NKAIN3: variants seen among roughly 807,000 people sequenced by gnomAD.
NKAIN3 encodes sodium/potassium transporting ATPase interacting 3.
Under a neutral mutation model 30.2 loss-of-function variants are expected in NKAIN3, and 25 were observed. That is an observed-to-expected ratio of 0.83 (90% CI 0.60 to 1.16). The LOEUF (loss-of-function observed/expected upper bound fraction) is 1.16, where lower values mean the gene tolerates loss of function less well. Ranked by LOEUF, NKAIN3 falls within the 50% of genes most tolerant of loss-of-function variation. The pLI is 0.00. For synonymous variants in NKAIN3, 91 were observed against 89.6 expected (o/e 1.02, Z -0.09); for missense variants, 225 against 254.1 (o/e 0.89, Z 0.78).
intron 1 of NKAIN3, among the ~76,000 whole-genome samples, chr8:62,253,097 A>G (rs930754175): frequency 3.3e-5 from 5 of 152,226 alleles, no homozygotes; most frequent in South Asian, 2.1e-4. Context: ...TCAGGATGTT[A>G]TTATTACCCA....
intron 1 of NKAIN3, among the ~76,000 whole-genome samples, chr8:62,451,197 A>AT (rs1292125592): frequency 2.0e-5 from 3 of 152,040 alleles, no homozygotes; most frequent in Non-Finnish European, 4.4e-5. Flanking sequence ...TCAAGTGCTC[A>AT]TCATTGAATC....
At chr8:62,289,143 C>T (rs1260535225) in intron 1 of NKAIN3, among the ~76,000 whole-genome samples, 2 of 152,104 alleles carry the variant, frequency 1.3e-5, no homozygotes, top group South Asian at 4.1e-4. Context: ...TGGATATTAG[C>T]CCTTTCTCAG....
At chr8:62,333,817 C>A (rs190789558) in intron 1 of NKAIN3, among the ~76,000 whole-genome samples, 128 of 152,104 alleles carry the variant, frequency 8.4e-4, no homozygotes, top group African/African-American at 2.9e-3. Context: ...ATTTACAAGT[C>A]GCATTTTGGA....
chr8:62,952,505 TC>T (rs1199717860), intron 5 of NKAIN3, among the ~76,000 whole-genome samples: 1 of 152,168 alleles, frequency 6.6e-6, no homozygotes, highest in Non-Finnish European at 1.5e-5. Context: ...TTTTCTCTCT[TC>T]CCTTCCCTTC....
intron 3 of NKAIN3, among the ~76,000 whole-genome samples, chr8:62,696,962 A>T (rs887882804): frequency 4.6e-5 from 7 of 152,100 alleles, no homozygotes; most frequent in African/African-American, 1.7e-4. Context: ...TCCTAATAAG[A>T]CTCAAAAATA....
chr8:62,731,362 C>CT (rs1401274402), intron 3 of NKAIN3, among the ~76,000 whole-genome samples: 1 of 151,416 alleles, frequency 6.6e-6, no homozygotes, highest in Non-Finnish European at 1.5e-5. Flanking sequence ...CATTTATTTT[C>CT]TTTGATATTA....
At chr8:62,509,806 T>A (rs887776650) in intron 1 of NKAIN3, among the ~76,000 whole-genome samples, 1 of 152,160 alleles carries the variant, frequency 6.6e-6, no homozygotes, top group Admixed American at 6.6e-5. Context: ...AGACATTTCA[T>A]TAAGTCACTC....
intron 1 of NKAIN3, among the ~76,000 whole-genome samples, chr8:62,490,219 C>A (rs963822067): frequency 1.3e-5 from 2 of 151,890 alleles, no homozygotes; most frequent in East Asian, 3.9e-4. Context: ...TGTGGCCAAG[C>A]CTGATTCAAT....
intron 1 of NKAIN3, among the ~76,000 whole-genome samples, chr8:62,533,533 A>T (rs2129852185): frequency 6.6e-6 from 1 of 152,316 alleles, no homozygotes; most frequent in South Asian, 2.1e-4. Flanking sequence ...GGACCAGGAG[A>T]ATCATCCTCT....
intron 3 of NKAIN3, among the ~76,000 whole-genome samples, chr8:62,649,259 C>G (rs11988664): frequency 2.0e-3 from 312 of 152,236 alleles, no homozygotes; most frequent in African/African-American, 6.9e-3. Flanking sequence ...TGTGGGAAAC[C>G]ATGCCTTGCC....
At chr8:62,993,590 T>C (rs1804030017) in intron 5 of NKAIN3, among the ~76,000 whole-genome samples, 1 of 152,190 alleles carries the variant, frequency 6.6e-6, no homozygotes, top group South Asian at 2.1e-4. Context: ...GTCCTGTTTC[T>C]CCTTTTCAGC....
chr8:62,410,377 G>T (rs1324341695), intron 1 of NKAIN3, among the ~76,000 whole-genome samples: 2 of 152,136 alleles, frequency 1.3e-5, no homozygotes, highest in Non-Finnish European at 2.9e-5. Context: ...CACTTAGGTT[G>T]ATTCCATGTA....
intron 1 of NKAIN3, among the ~76,000 whole-genome samples, chr8:62,307,243 A>G (rs1431628650): frequency 3.4e-5 from 5 of 145,448 alleles, no homozygotes; most frequent in Non-Finnish European, 7.4e-5. Flanking sequence ...TTGTCCCCTT[A>G]TAGTTTAATT....
intron 1 of NKAIN3, among the ~76,000 whole-genome samples, chr8:62,287,629 G>A (rs532285124): frequency 7.1e-4 from 108 of 151,930 alleles, no homozygotes; most frequent in African/African-American, 2.4e-3. Context: ...ACCTCTGTTC[G>A]GTTAGAAAAC....
intron 3 of NKAIN3, among the ~76,000 whole-genome samples, chr8:62,657,765 C>T (rs1812804713): frequency 6.6e-6 from 1 of 152,152 alleles, no homozygotes; most frequent in Non-Finnish European, 1.5e-5. Flanking sequence ...AAAAAGCCTG[C>T]ACCACGAAAT....
At chr8:62,578,554 C>T (rs1810192623) in intron 1 of NKAIN3, among the ~76,000 whole-genome samples, 1 of 152,022 alleles carries the variant, frequency 6.6e-6, no homozygotes, top group Non-Finnish European at 1.5e-5. Flanking sequence ...GGTGGTTAGT[C>T]ATTATCACCA....
intron 3 of NKAIN3, among the ~76,000 whole-genome samples, chr8:62,634,082 A>T (rs184072856): frequency 4.6e-5 from 7 of 152,282 alleles, no homozygotes; most frequent in African/African-American, 1.4e-4. Flanking sequence ...TGTCTCATAG[A>T]ACATATATTT....
chr8:62,524,225 AAT>A (rs5891861), intron 1 of NKAIN3, among the ~76,000 whole-genome samples: 86 of 148,114 alleles, frequency 5.8e-4, no homozygotes, highest in Admixed American at 1.1e-3. Context: ...CCCCCACCAA[AAT>A]ATATATATAT....
At chr8:62,498,267 A>G (rs1331409974) in intron 1 of NKAIN3, among the ~76,000 whole-genome samples, 1 of 152,114 alleles carries the variant, frequency 6.6e-6, no homozygotes, top group East Asian at 1.9e-4. Flanking sequence ...TTTATTGTTT[A>G]TAATACTTAG....
Sources: allele counts gnomAD v4.1 joint callset (sites outside exome capture counted in the v4.1 genomes callset), GRCh38; gene constraint gnomAD v4.1.1; transcripts MANE v1.5; gene names NCBI Gene and HGNC (gene_info 2026-07-23, HGNC 2026-07-21).